CPVL: variants seen among roughly 807,000 people sequenced by gnomAD.
CPVL encodes probable serine carboxypeptidase CPVL.
In CPVL, 51 loss-of-function variants were observed where a neutral mutation model predicts 63.7. The observed-to-expected ratio is 0.80, with a 90% confidence interval of 0.64 to 1.01. The LOEUF (loss-of-function observed/expected upper bound fraction) is 1.01, where lower values mean the gene tolerates loss of function less well. CPVL is among the 50% of genes least tolerant of loss of function. The pLI, the probability that CPVL is intolerant of heterozygous loss-of-function variation, is 0.00. For missense variants in CPVL, 530 were observed against 573.1 expected, an observed-to-expected ratio of 0.92 and a Z score of 0.77; for synonymous variants, 195 against 206.0, an observed-to-expected ratio of 0.95 and a Z score of 0.46.
chr7:29,070,153 C>G (rs1783597734), intron 9 of CPVL, among the ~76,000 whole-genome samples: 1 of 152,158 alleles, frequency 6.6e-6, no homozygotes, highest in African/African-American at 2.4e-5. Flanking sequence ...CATTCCAAGC[C>G]TTCAAACGTT....
chr7:29,028,883 C>T (rs1370079507), intron 12 of CPVL, among the ~76,000 whole-genome samples: 11 of 148,982 alleles, frequency 7.4e-5, no homozygotes, highest in South Asian at 2.1e-4. Flanking sequence ...GAGAATGGCG[C>T]GAACCGGTGT....
intron 5 of CPVL, among the ~76,000 whole-genome samples, chr7:29,179,424 A>G (rs1797787111): frequency 1.3e-5 from 2 of 152,230 alleles, no homozygotes; most frequent in Non-Finnish European, 2.9e-5. Context: ...ACAGAAACTC[A>G]GGCTGAAGTT....
At chr7:29,069,714 C>T (rs553754497) in intron 9 of CPVL, among the ~76,000 whole-genome samples, 1 of 150,916 alleles carries the variant, frequency 6.6e-6, no homozygotes, top group South Asian at 2.1e-4. Flanking sequence ...TTTGTGTATC[C>T]TTCGGCAATT....
intron 3 of CPVL, among the ~76,000 whole-genome samples, chr7:29,111,125 A>G (rs899316442): frequency 1.6e-4 from 24 of 152,372 alleles, no homozygotes; most frequent in African/African-American, 5.3e-4. Flanking sequence ...TAAGACATTA[A>G]GTTTGTGGCA....
rs1413479675 is a variant in CPVL at position 29,175,917 on chromosome 7, T to TGG, written c.-11+5371_-11+5372dup. On this transcript the variant is annotated intron_variant, in intron 5 of 16. Transcript: ENST00000409850. ...TGAAAAAAAGACCAGACGGGCGCGGTGGCTCATGCCTGTAATCCCAGCACT... is the reference window on the plus strand; with the variant it reads ...TGAAAAAAAGACCAGACGGGCGCGGTGGGGCTCATGCCTGTAATCCCAGCACT... Among the ~76,000 whole-genome samples, 3 of 152,218 alleles carry TGG rather than the reference T, an allele frequency of 2.0e-5. No homozygotes were observed. The East Asian group carries it at 5.8e-4, about 29-fold the overall frequency.
intron 12 of CPVL, among the ~76,000 whole-genome samples, chr7:29,027,993 A>C (rs1340823632): frequency 2.0e-5 from 3 of 152,134 alleles, no homozygotes; most frequent in Non-Finnish European, 4.4e-5. Context: ...TGAAAGCAAT[A>C]CTGAGCAAAA....
chr7:29,092,701 A>C lies in CPVL; in HGVS notation c.464T>G (p.Val155Gly), dbSNP rs1785944807. 2 of 1,611,102 alleles carry C rather than the reference A, an allele frequency of 1.2e-6. No homozygotes were observed. Among genetic ancestry groups the C allele is most frequent in the East Asian group, 4.5e-5 (2 of 44,848 alleles). ...ATCAGTAAAACTGAAGCCTGTGCCC[A>C]CCTGCAGGAGAAATAAACACGCAGG... ...TLSMLYIDNP[V>G]GTGFSFTDDT... Residue 155 changes from valine to glycine, a missense_variant and splice_region_variant, in exon 6 of 13, where the codon GTG becomes GGG. Val to Gly is a moderately radical substitution (Grantham distance 109). Transcript: ENST00000265394.
At chr7:29,057,474 T>C (rs572122734) in intron 11 of CPVL, among the ~76,000 whole-genome samples, 3 of 152,220 alleles carry the variant, frequency 2.0e-5, no homozygotes, top group Non-Finnish European at 4.4e-5. Flanking sequence ...GACATTGTTT[T>C]TGGTAAAGTA....
At chr7:29,163,575 C>T (rs1400545101) in intron 5 of CPVL, among the ~76,000 whole-genome samples, 1 of 151,976 alleles carries the variant, frequency 6.6e-6, no homozygotes, top group East Asian at 1.9e-4. Flanking sequence ...TAAGGTATAA[C>T]TGGCATACAA....
rs1175013891 is a variant in CPVL, at chr7:29,129,312, G to T, written c.-10-8241C>A. ...GGGAAAGAAAAGAAGTACAAGGATG[G>T]CACCTGTTTTCTGCCCAGAGTAACT... is the stretch of plus-strand genomic sequence containing the variant. On this transcript the variant is annotated intron_variant, in intron 1 of 12. Coordinates refer to ENST00000265394, the MANE Select transcript of CPVL (RefSeq NM_031311.5). Among the ~76,000 whole-genome samples the T allele has an allele frequency of 2.0e-5, 3 of 152,132 alleles. No homozygotes were observed. The East Asian group carries it at 5.8e-4, about 29-fold the overall frequency.
intron 5 of CPVL, among the ~76,000 whole-genome samples, chr7:29,178,963 C>A (rs145157580): frequency 1.3e-5 from 2 of 152,248 alleles, no homozygotes; most frequent in East Asian, 3.9e-4. Flanking sequence ...CCAGGCAGGA[C>A]CCCACCTACC....
chr7:29,039,666 A>G (rs2128162450), intron 11 of CPVL, among the ~76,000 whole-genome samples: 1 of 152,008 alleles, frequency 6.6e-6, no homozygotes, highest in East Asian at 1.9e-4. Context: ...TTGTGGTTAA[A>G]AAAAAAAAGC....
chr7:29,023,362 G>C (rs1454028017), intron 12 of CPVL, among the ~76,000 whole-genome samples: 1 of 152,152 alleles, frequency 6.6e-6, no homozygotes, highest in Non-Finnish European at 1.5e-5. Context: ...CTTGTGTGGA[G>C]GAACTCCTTT....
intron 2 of CPVL, among the ~76,000 whole-genome samples, chr7:29,117,415 T>TA: frequency 6.6e-6 from 1 of 152,224 alleles, no homozygotes; most frequent in East Asian, 1.9e-4. Flanking sequence ...CACTTTCACT[T>TA]AATGCCTTTG....
At chr7:29,082,528 T>G (rs1412769415) in intron 7 of CPVL, 1 of 152,208 alleles carries the variant, frequency 6.6e-6, no homozygotes, top group Non-Finnish European at 1.5e-5. Context: ...ATATTCATAA[T>G]AAACCATCAA....
chr7:29,037,043 C>T (rs1788597367), intron 11 of CPVL, among the ~76,000 whole-genome samples: 2 of 152,208 alleles, frequency 1.3e-5, no homozygotes, highest in Non-Finnish European at 2.9e-5. Context: ...CATAAGAACA[C>T]ATTGAACAGG....
chr7:29,173,949 CAA>C (rs74313059), intron 5 of CPVL, among the ~76,000 whole-genome samples: 14 of 115,660 alleles, frequency 1.2e-4, no homozygotes, highest in Non-Finnish European at 9.2e-5. Context: ...GAGACTGACT[CAA>C]AAAAAAAAAA....
At chr7:29,158,199 A>G (rs1057229172) in intron 5 of CPVL, among the ~76,000 whole-genome samples, 9 of 152,216 alleles carry the variant, frequency 5.9e-5, no homozygotes, top group Admixed American at 5.2e-4. Flanking sequence ...GAGTTCCGGA[A>G]TGAATGAATG....
In CPVL at chr7:29,030,720, C is replaced by G; in HGVS notation, c.1177G>C (p.Ala393Pro). The G allele has an allele frequency of 6.2e-7, 1 of 1,612,676 alleles. No individual in the cohort carries two copies. The highest frequency in any genetic ancestry group is 8.5e-7 in the Non-Finnish European group (1 of 1,179,472). Residue 393 changes from alanine to proline, a missense_variant, in exon 12 of 13, where the codon GCT (alanine) becomes CCT (proline). Coordinates refer to ENST00000265394, the MANE Select transcript of CPVL (RefSeq NM_031311.5). The part of the protein sequence containing the change: ...YNGQLDIIVA[A>P]ALTERSLMGM... ...ATCAAGGAGCGCTCTGTCAGGGCAG[C>G]TGCCACGATGATGTCCAGTTGGCCA...
Sources: gnomAD v4.1 joint callset for allele counts (sites outside exome capture counted in the v4.1 genomes callset) on GRCh38, gnomAD v4.1.1 for gene constraint, MANE v1.5 for transcripts, NCBI Gene and HGNC (gene_info 2026-07-23, HGNC 2026-07-21) for gene names.